Variants in IFIH1 observed in about 807,000 individuals in gnomAD.
IFIH1 encodes interferon induced with helicase C domain 1.
IFIH1 carries 125 observed loss-of-function variants against 107.4 expected under a neutral mutation model. The observed-to-expected ratio is 1.16, with a 90% CI of 1.01 to 1.35. The LOEUF is 1.35. Among genes scored for constraint, IFIH1 ranks in the 40% most tolerant of loss-of-function variants. The pLI is 0.00. For missense variants in IFIH1, 1,333 were observed against 1,213.7 expected (o/e 1.10, Z -1.46); for synonymous variants, 458 against 413.2 (o/e 1.11, Z -1.31).
Position 162,272,359 on chromosome 2 carries a change from C to T in IFIH1, c.2483G>A (p.Ser828Asn), listed in dbSNP as rs372817657. Residue 828 changes from serine to asparagine, a missense_variant, in exon 13 of 16, where the codon AGC becomes AAC. Ser to Asn is a conservative substitution (Grantham distance 46). Transcript: ENST00000649979. ...ACTGTGAGCAACCAGGACGTAGGTG[C>T]TCTCATCAGCTCTGGCTCGACCACG... Reference protein sequence around the residue: ...QARGRARADESTYVLVAHSGS... With the variant: ...QARGRARADENTYVLVAHSGS... 2 of 1,613,198 alleles carry T rather than the reference C, an allele frequency of 1.2e-6. No homozygotes were observed. The highest frequency in any genetic ancestry group is 1.3e-5 in the African/African-American group (1 of 74,866).
rs77041372 is a variant in IFIH1 at position 162,267,530 on chromosome 2, C to T, written c.2847G>A (p.Lys949=). Reference sequence around the variant, plus strand: ...CATTTATTTGATAGTCGGCACACTTCTTTTGCAGTGCTTTGTTTTCTCTTA... The same window carrying T: ...CATTTATTTGATAGTCGGCACACTTTTTTTGCAGTGCTTTGTTTTCTCTTA... The part of the protein sequence containing the change: ...YIVRENKALQ[K]KCADYQINGE... Residue 949 remains lysine, a synonymous_variant, in exon 15 of 16, where the codon AAG becomes AAA. Coordinates refer to ENST00000649979, the MANE Select transcript of IFIH1 (RefSeq NM_022168.4). 6.2e-7 allele frequency: 1 copy of T among 1,613,680 alleles called. No homozygotes were observed. The highest frequency in any genetic ancestry group is 8.5e-7 in the Non-Finnish European group (1 of 1,179,530).
At chr2:162,310,089 C>T (rs1477944198) in intron 2 of IFIH1, 1 of 152,186 alleles carries the variant, frequency 6.6e-6, no homozygotes, top group African/African-American at 2.4e-5. Context: ...ACAGCAGCAC[C>T]CCACTTTTTA....
At position 162,267,191 on chromosome 2, in the gene IFIH1, A is replaced by C. The variant is rs371793426; in HGVS notation, c.*9T>G. 3.0e-5 allele frequency: 46 copies of C among 1,546,516 alleles called. No individual in the cohort carries two copies. The African/African-American group carries it at 6.1e-4, about 21-fold the overall frequency. On this transcript the variant is annotated 3_prime_UTR_variant, in exon 16 of 16. Transcript: ENST00000649979. The stretch of plus-strand genomic sequence containing the variant: ...CTGATAGTATTTTAAAAGAATCTTC[A>C]ATCAAGTGCTAATCCTCATCACTAA...
intron 11 of IFIH1, among the ~76,000 whole-genome samples, chr2:162,275,717 A>G (rs1691139399): frequency 6.6e-6 from 1 of 152,196 alleles, no homozygotes; most frequent in Admixed American, 6.5e-5. Flanking sequence ...ACTCAGGGTC[A>G]ATGTGATTTT....
intron 11 of IFIH1, among the ~76,000 whole-genome samples, chr2:162,274,713 T>C (rs1691117758): frequency 1.3e-5 from 2 of 152,144 alleles, no homozygotes; most frequent in Admixed American, 1.3e-4. Context: ...ATGGGAGAAA[T>C]GAGTGAGCAC....
At chr2:162,311,515 A>C (rs1683384169) in intron 1 of IFIH1, among the ~76,000 whole-genome samples, 1 of 151,856 alleles carries the variant, frequency 6.6e-6, no homozygotes, top group Non-Finnish European at 1.5e-5. Context: ...GTGTTTTTTT[A>C]ATGTTATGGG....
At chr2:162,273,527 G>A (rs150089248) in intron 12 of IFIH1, among the ~76,000 whole-genome samples, 1 of 152,274 alleles carries the variant, frequency 6.6e-6, no homozygotes, top group African/African-American at 2.4e-5. Flanking sequence ...AATGGGGCTA[G>A]TGTCATGGTC....
At chr2:162,300,359 A>G (rs1683171759) in intron 3 of IFIH1, among the ~76,000 whole-genome samples, 1 of 152,212 alleles carries the variant, frequency 6.6e-6, no homozygotes, top group Admixed American at 6.5e-5. Flanking sequence ...AGTCATAAAC[A>G]GATATCATGA....
intron 3 of IFIH1, among the ~76,000 whole-genome samples, chr2:162,306,107 C>G (rs1683276689): frequency 6.6e-6 from 1 of 152,176 alleles, no homozygotes; most frequent in South Asian, 2.1e-4. Flanking sequence ...GAGGTGGATT[C>G]TCCTATCACG....
chr2:162,269,016 A>G (rs998875244), intron 13 of IFIH1, among the ~76,000 whole-genome samples: 3 of 152,230 alleles, frequency 2.0e-5, no homozygotes, highest in Non-Finnish European at 4.4e-5. Context: ...AAATGCCTTT[A>G]ATCTTTTTTC....
At chr2:162,285,195 G>A (rs945103035) in intron 5 of IFIH1, among the ~76,000 whole-genome samples, 1 of 151,972 alleles carries the variant, frequency 6.6e-6, no homozygotes, top group Non-Finnish European at 1.5e-5. Context: ...GGGCTGCATT[G>A]CAGCATCTGA....
intron 5 of IFIH1, among the ~76,000 whole-genome samples, chr2:162,285,328 G>A (rs1682877854): frequency 2.0e-5 from 3 of 151,938 alleles, no homozygotes; most frequent in Admixed American, 1.3e-4. Context: ...AAAGGACGGA[G>A]GAAGGGAGAT....
intron 4 of IFIH1, among the ~76,000 whole-genome samples, chr2:162,289,457 T>C (rs951303117): frequency 4.0e-5 from 6 of 151,892 alleles, no homozygotes; most frequent in Non-Finnish European, 7.4e-5. Context: ...TAAAAGCCCA[T>C]TTTATGACTT....
intron 3 of IFIH1, among the ~76,000 whole-genome samples, chr2:162,304,642 G>C (rs957359144): frequency 2.0e-5 from 3 of 152,150 alleles, no homozygotes; most frequent in Non-Finnish European, 4.4e-5. Flanking sequence ...TAATAGAAAA[G>C]TGAATTTTAA....
In IFIH1 at chr2:162,279,977, TA is replaced by T; in HGVS notation, c.1641+18del. The T allele has an allele frequency of 8.1e-7, 1 of 1,239,264 alleles. No homozygotes were observed. Among genetic ancestry groups the T allele is most frequent in the Non-Finnish European group, 1.2e-6 (1 of 838,704 alleles). The allele number at this position is 1,239,264 out of a possible 1,614,324, so 76.8% of individuals were successfully genotyped here. A position where few individuals can be genotyped will look rare whatever the true frequency, so the allele number is the denominator to read the frequency against. The stretch of plus-strand genomic sequence containing the variant: ...ATGTAGTATTGTCAATCAATAGATA[TA>T]AAACATTAAGCCCATACTTCTCTGG... On this transcript the variant is annotated intron_variant, in intron 8 of 15. Coordinates refer to ENST00000649979, the MANE Select transcript of IFIH1 (RefSeq NM_022168.4).
At position 162,293,577 on chromosome 2, in the gene IFIH1, C is replaced by T. The variant is rs1252800383; in HGVS notation, c.861G>A (p.Met287Ile). ...NSNMGSDSGT[M>I]GSDSDEENVA... ...GTTAGGCAGTACCTGAATCACTTCC[C>T]ATGGTGCCTGAATCACTGCCCATGT... Residue 287 changes from methionine to isoleucine, a missense_variant, in exon 4 of 16, where the codon ATG (methionine) becomes ATA (isoleucine). Met to Ile is a conservative substitution (Grantham distance 10, BLOSUM62 1). Transcript: ENST00000649979. The T allele has an allele frequency of 8.1e-6, 13 of 1,608,566 alleles. No individual in the cohort carries two copies. The highest frequency in any genetic ancestry group is 1.1e-5 in the Non-Finnish European group (13 of 1,175,900).
intron 11 of IFIH1, 39 bp downstream of exon 11, chr2:162,276,648 A>G (rs1352776636): frequency 1.3e-6 from 2 of 1,565,044 alleles, no homozygotes; most frequent in Admixed American, 2.0e-5. Context: ...AAGAAAAGAG[A>G]AAGAAAAGAA....
intron 1 of IFIH1, among the ~76,000 whole-genome samples, chr2:162,313,002 G>A (rs1683406437): frequency 6.6e-6 from 1 of 152,074 alleles, no homozygotes; most frequent in Non-Finnish European, 1.5e-5. Context: ...CTTTTACTGT[G>A]GAATCATATT....
chr2:162,315,848 T>G (rs1683481631), intron 1 of IFIH1, among the ~76,000 whole-genome samples: 1 of 152,232 alleles, frequency 6.6e-6, no homozygotes, highest in African/African-American at 2.4e-5. Flanking sequence ...TGATAATACA[T>G]GTAAATGATG....
Sources: gnomAD v4.1 joint callset for allele counts (sites outside exome capture counted in the v4.1 genomes callset) on GRCh38, gnomAD v4.1.1 for gene constraint, MANE v1.5 for transcripts, NCBI Gene and HGNC (gene_info 2026-07-23, HGNC 2026-07-21) for gene names.